The following WDPCP variants were observed in gnomAD, a reference collection of about 807,000 sequenced individuals.
WDPCP encodes WD repeat-containing and planar cell polarity effector protein fritz homolog.
Under a neutral mutation model 93.1 loss-of-function variants are expected in WDPCP, and 71 were observed. The observed-to-expected ratio is 0.76, with a 90% CI of 0.63 to 0.93. The LOEUF (loss-of-function observed/expected upper bound fraction) is 0.93, where lower values mean the gene tolerates loss of function less well. Among genes scored for constraint, WDPCP ranks in the 40% least tolerant of loss-of-function variants. The pLI is 0.00. For missense variants in WDPCP, 844 were observed against 887.4 expected, an observed-to-expected ratio of 0.95 and a Z score of 0.62; for synonymous variants, 315 against 315.0, an observed-to-expected ratio of 1.00 and a Z score of 0.00.
At chr2:63,297,778 A>G (rs1423689817) in intron 13 of WDPCP, among the ~76,000 whole-genome samples, 2 of 152,184 alleles carry the variant, frequency 1.3e-5, no homozygotes, top group Non-Finnish European at 2.9e-5. Context: ...ACACTGTGAG[A>G]GTAATCAGGG....
intron 14 of WDPCP, among the ~76,000 whole-genome samples, chr2:63,249,372 T>C (rs1206842608): frequency 6.6e-6 from 1 of 152,208 alleles, no homozygotes; most frequent in Non-Finnish European, 1.5e-5. Flanking sequence ...AACAGTGATG[T>C]CATCTTGAAG....
chr2:63,506,991 G>C (rs1701919413), intron 1 of WDPCP, among the ~76,000 whole-genome samples: 1 of 151,630 alleles, frequency 6.6e-6, no homozygotes, highest in Admixed American at 6.6e-5. Flanking sequence ...GAGAAAGAGA[G>C]AGAGAGAAGG....
intron 1 of WDPCP, among the ~76,000 whole-genome samples, chr2:63,494,622 A>G (rs1701107065): frequency 6.6e-6 from 1 of 152,068 alleles, no homozygotes; most frequent in Admixed American, 6.6e-5. Flanking sequence ...TGTTTGAGTA[A>G]AAAGATGGCA....
chr2:63,535,057 T>C (rs1228244097), intron 1 of WDPCP, among the ~76,000 whole-genome samples: 2 of 152,140 alleles, frequency 1.3e-5, no homozygotes, highest in South Asian at 2.1e-4. Flanking sequence ...AGCATTCCTA[T>C]ACACCAATAA....
chr2:63,596,395 C>T (rs759561682), intron 3 of WDPCP, among the ~76,000 whole-genome samples: 1 of 152,338 alleles, frequency 6.6e-6, no homozygotes, highest in Non-Finnish European at 1.5e-5. Flanking sequence ...ACTGCCCACA[C>T]TATTCTGTTG....
intron 1 of WDPCP, among the ~76,000 whole-genome samples, chr2:63,535,443 C>A (rs775636505): frequency 1.2e-4 from 19 of 152,304 alleles, no homozygotes; most frequent in Middle Eastern, 3.4e-3. Flanking sequence ...AGGCATCACG[C>A]TACCTGACTT....
At chr2:63,314,220 A>G (rs1456655141) in intron 12 of WDPCP, among the ~76,000 whole-genome samples, 5 of 151,240 alleles carry the variant, frequency 3.3e-5, no homozygotes, top group Non-Finnish European at 7.4e-5. Flanking sequence ...TCTGTCACCC[A>G]GGCTGGAGTA....
intron 17 of WDPCP, among the ~76,000 whole-genome samples, chr2:63,152,461 A>T (rs1671951527): frequency 1.3e-5 from 2 of 151,874 alleles, no homozygotes; most frequent in Non-Finnish European, 2.9e-5. Context: ...TTTAGTAGGG[A>T]GGGTTTTGCC....
intron 15 of WDPCP, among the ~76,000 whole-genome samples, chr2:63,166,033 T>G (rs1231408952): frequency 6.6e-6 from 1 of 151,918 alleles, no homozygotes; most frequent in African/African-American, 2.4e-5. Context: ...TTGTTTTGTT[T>G]TTTGCTTTGT....
chr2:63,441,810 T>C (rs530806354), intron 6 of WDPCP: 1 of 152,286 alleles, frequency 6.6e-6, no homozygotes, highest in African/African-American at 2.4e-5. Context: ...TAAAGATCCT[T>C]CATTCATTTT....
intron 14 of WDPCP, among the ~76,000 whole-genome samples, chr2:63,214,157 G>T (rs994923672): frequency 6.6e-6 from 1 of 152,282 alleles, no homozygotes; most frequent in Non-Finnish European, 1.5e-5. Context: ...AAGCCTGGCA[G>T]AGACACAACA....
At chr2:63,840,313 T>C in the WDPCP span, among the ~76,000 whole-genome samples, 2 of 152,356 alleles carry the variant, frequency 1.3e-5, no homozygotes, top group Non-Finnish European at 1.5e-5. Flanking sequence ...CCGTGTAACA[T>C]CCTCTTTCCT....
chr2:63,195,717 C>T (rs1299240366), intron 14 of WDPCP, among the ~76,000 whole-genome samples: 1 of 151,394 alleles, frequency 6.6e-6, no homozygotes, highest in Non-Finnish European at 1.5e-5. Flanking sequence ...TAAAAATATC[C>T]AAAAAAATTA....
chr2:63,457,384 C>G (rs536258462), intron 6 of WDPCP, among the ~76,000 whole-genome samples: 10 of 152,110 alleles, frequency 6.6e-5, no homozygotes, highest in Non-Finnish European at 1.3e-4. Context: ...AGAATTCTAC[C>G]ACATGTATAA....
At chr2:63,836,854 T>C in the WDPCP span, among the ~76,000 whole-genome samples, 1 of 152,234 alleles carries the variant, frequency 6.6e-6, no homozygotes, top group Non-Finnish European at 1.5e-5. Context: ...AGGGGAATTA[T>C]TGATAAACAT....
At chr2:63,714,107 G>A (rs1416679225) in intron 2 of WDPCP, among the ~76,000 whole-genome samples, 2 of 148,692 alleles carry the variant, frequency 1.3e-5, no homozygotes, top group Admixed American at 6.8e-5. Flanking sequence ...CCAGGCTGCA[G>A]TGCAGTGGTG....
chr2:63,575,358 A>G (rs536190065), intron 1 of WDPCP, among the ~76,000 whole-genome samples: 8 of 111,472 alleles, frequency 7.2e-5, no homozygotes, highest in Admixed American at 4.4e-4. Flanking sequence ...TATGGTATAT[A>G]CAGTATATAC....
At chr2:63,804,285 C>T (rs997666573) in intron 2 of WDPCP, among the ~76,000 whole-genome samples, 5 of 149,550 alleles carry the variant, frequency 3.3e-5, no homozygotes, top group African/African-American at 1.2e-4. Flanking sequence ...GAGTCTCGCT[C>T]TGTCGCCCAG....
At chr2:63,395,658 TGAC>T (rs1350239801) in intron 10 of WDPCP, among the ~76,000 whole-genome samples, 2 of 152,162 alleles carry the variant, frequency 1.3e-5, no homozygotes, top group Admixed American at 1.3e-4. Flanking sequence ...TTTTTTGGGA[TGAC>T]GGAAATGTTC....
Sources: gnomAD v4.1 joint callset for allele counts (sites outside exome capture counted in the v4.1 genomes callset) on GRCh38, gnomAD v4.1.1 for gene constraint, MANE v1.5 for transcripts, NCBI Gene and HGNC (gene_info 2026-07-23, HGNC 2026-07-21) for gene names.